Variants in FER1L6 observed in about 807,000 individuals in gnomAD.
The protein encoded by FER1L6 is fer-1 like family member 6, also known as fer-1-like protein 6.
FER1L6 carries 177 observed loss-of-function variants against 219.2 expected under a neutral mutation model. The ratio of observed to expected loss-of-function variants is 0.81; its 90% CI spans 0.71 to 0.91. The LOEUF is 0.91. Among genes scored for constraint, FER1L6 ranks in the 40% least tolerant of loss-of-function variants. The pLI is 0.00. For missense variants in FER1L6, 2,153 were observed against 2,259.9 expected (o/e 0.95, Z 0.96); for synonymous variants, 768 against 824.3 (o/e 0.93, Z 1.17).
At chr8:123,861,496 T>C (rs1184952609) in intron 1 of FER1L6, among the ~76,000 whole-genome samples, 1 of 129,484 alleles carries the variant, frequency 7.7e-6, no homozygotes, top group African/African-American at 3.3e-5. Context: ...AACTTTAAAG[T>C]AGTTTTTTCC....
intron 19 of FER1L6, among the ~76,000 whole-genome samples, chr8:124,039,244 C>T (rs1225122732): frequency 6.6e-6 from 1 of 152,214 alleles, no homozygotes; most frequent in Non-Finnish European, 1.5e-5. Flanking sequence ...CTTGTTACCA[C>T]AGAATCCTCA....
At chr8:124,000,615 G>GAGTT (rs1023762654) in intron 12 of FER1L6, among the ~76,000 whole-genome samples, 4 of 152,264 alleles carry the variant, frequency 2.6e-5, no homozygotes, top group African/African-American at 9.6e-5. Context: ...ATTCCTCATA[G>GAGTT]AGTTGCAAAG....
intron 26 of FER1L6, 56 bp downstream of exon 26, chr8:124,064,629 G>T: frequency 6.7e-7 from 1 of 1,500,068 alleles, no homozygotes; most frequent in Admixed American, 2.0e-5. Flanking sequence ...TGCATTGCAG[G>T]TCTCAGACAA....
intron 38 of FER1L6, among the ~76,000 whole-genome samples, chr8:124,102,339 A>G (rs1822581703): frequency 6.6e-6 from 1 of 152,178 alleles, no homozygotes; most frequent in Non-Finnish European, 1.5e-5. Context: ...ATATCTAATG[A>G]ATTGGAAAGT....
intron 1 of FER1L6, among the ~76,000 whole-genome samples, chr8:123,936,475 T>TTTG (rs1554617913): frequency 1.6e-4 from 23 of 141,218 alleles, no homozygotes; most frequent in African/African-American, 4.4e-4. Flanking sequence ...TTTTTTTTTT[T>TTTG]TTTTTTTTTT....
chr8:124,095,363 A>T (rs536138573), intron 35 of FER1L6, among the ~76,000 whole-genome samples: 1 of 152,362 alleles, frequency 6.6e-6, no homozygotes, highest in Admixed American at 6.5e-5. Context: ...GATTTGAGTT[A>T]CCAAAGTCTT....
At chr8:124,007,643 T>G (rs1817724392) in intron 13 of FER1L6, among the ~76,000 whole-genome samples, 3 of 152,222 alleles carry the variant, frequency 2.0e-5, no homozygotes, top group Admixed American at 1.3e-4. Flanking sequence ...CTTTAAATAT[T>G]CCTTCTGGCT....
chr8:123,932,211 C>T (rs1404067464), intron 1 of FER1L6, among the ~76,000 whole-genome samples: 1 of 152,228 alleles, frequency 6.6e-6, no homozygotes, highest in African/African-American at 2.4e-5. Flanking sequence ...TGAGTTCATG[C>T]GATTCTCCTG....
chr8:124,051,125 G>A (rs544672372), intron 22 of FER1L6, among the ~76,000 whole-genome samples: 1 of 152,230 alleles, frequency 6.6e-6, no homozygotes, highest in East Asian at 1.9e-4. Context: ...GCCCTGACAA[G>A]AAGAGACAAA....
intron 32 of FER1L6, among the ~76,000 whole-genome samples, chr8:124,080,519 T>G (rs1177924465): frequency 6.6e-6 from 1 of 152,148 alleles, no homozygotes; most frequent in Non-Finnish European, 1.5e-5. Context: ...GGTTTCACCA[T>G]GTTGGCCAGG....
intron 13 of FER1L6, among the ~76,000 whole-genome samples, chr8:124,005,395 G>T (rs1227083094): frequency 6.6e-6 from 1 of 152,218 alleles, no homozygotes; most frequent in South Asian, 2.1e-4. Context: ...CCCCATGGCA[G>T]TATCCCAATA....
rs577630011 is a variant in FER1L6, at chr8:123,872,254, T to C, written c.-8+20069T>C. ...CCTCCCACCAGGCCCCACCTCAACA[T>C]TGGGAATTACATTTCAACATGAGAT... On this transcript the variant is annotated intron_variant, in intron 1 of 40. Coordinates refer to ENST00000522917, the MANE Select transcript of FER1L6 (RefSeq NM_001039112.2). Among the ~76,000 whole-genome samples, 10 of 152,272 alleles carry C rather than the reference T, an allele frequency of 6.6e-5. No homozygotes were observed. In the South Asian group the frequency reaches 1.7e-3, roughly 25 times the overall value.
chr8:123,916,711 T>C (rs896617504), intron 1 of FER1L6, among the ~76,000 whole-genome samples: 2 of 152,208 alleles, frequency 1.3e-5, no homozygotes, highest in African/African-American at 4.8e-5. Context: ...TGGATGGTTA[T>C]ATTAGTTGAT....
intron 39 of FER1L6, among the ~76,000 whole-genome samples, chr8:124,107,852 A>G (rs757781607): frequency 3.7e-4 from 57 of 152,206 alleles, no homozygotes; most frequent in Non-Finnish European, 5.9e-5. Flanking sequence ...ATCACCTCTT[A>G]TAGTCCTAGC....
intron 1 of FER1L6, among the ~76,000 whole-genome samples, chr8:123,889,112 C>A (rs1442626018): frequency 1.3e-5 from 2 of 151,996 alleles, no homozygotes; most frequent in Admixed American, 1.3e-4. Context: ...TAAACCCAGC[C>A]AAAATAAAAT....
Position 123,984,760 on chromosome 8 carries a change from C to G in FER1L6, c.1411-1308C>G, listed in dbSNP as rs181291080. The G allele has an allele frequency of 7.9e-5, 12 of 152,318 alleles. No homozygotes were observed. In the East Asian group the frequency reaches 2.3e-3, roughly 29 times the overall value. The allele number at this position is 152,318 out of a possible 1,614,324, so 9.4% of individuals were successfully genotyped here. ...GCTTCTGTATGAAAGAAGGGAGTAT[C>G]CTTCACCTAATGATATGGAAACCCT... On this transcript the variant is annotated intron_variant, in intron 11 of 40. Transcript: ENST00000522917.
At chr8:124,080,457 A>AGTCC (rs1821491476) in intron 32 of FER1L6, among the ~76,000 whole-genome samples, 1 of 152,038 alleles carries the variant, frequency 6.6e-6, no homozygotes, top group Non-Finnish European at 1.5e-5. Context: ...AGCTGGGACT[A>AGTCC]CAGACGCCTG....
At chr8:124,030,940 G>A (rs147825112) in intron 18 of FER1L6, among the ~76,000 whole-genome samples, 1 of 152,246 alleles carries the variant, frequency 6.6e-6, no homozygotes, top group East Asian at 1.9e-4. Flanking sequence ...AAGGCACAGG[G>A]GAGACTGAGC....
intron 12 of FER1L6, among the ~76,000 whole-genome samples, chr8:123,998,486 T>G (rs1434713619): frequency 6.7e-6 from 1 of 148,258 alleles, no homozygotes; most frequent in Non-Finnish European, 1.5e-5. Flanking sequence ...CTACCACCAC[T>G]GGGACTGGGC....
Sources: allele counts gnomAD v4.1 joint callset (sites outside exome capture counted in the v4.1 genomes callset), GRCh38; gene constraint gnomAD v4.1.1; transcripts MANE v1.5; gene names NCBI Gene and HGNC (gene_info 2026-07-23, HGNC 2026-07-21).